The following FAM135A variants were observed in gnomAD, a reference collection of about 807,000 sequenced individuals.
FAM135A encodes family with sequence similarity 135 member A, also known as protein FAM135A.
Under a neutral mutation model 146.8 loss-of-function variants are expected in FAM135A, and 79 were observed. That is an observed-to-expected ratio of 0.54 (90% CI 0.45 to 0.65). The LOEUF is 0.65. Among genes scored for constraint, FAM135A ranks in the 30% least tolerant of loss-of-function variants. The probability of loss-of-function intolerance (pLI) is 0.00; values close to 1 mark genes in which losing one functional copy is unlikely to be tolerated. For missense variants in FAM135A, 1,623 were observed against 1,758.2 expected (o/e 0.92, Z 1.38); for synonymous variants, 562 against 603.6 (o/e 0.93, Z 1.01).
chr6:70,428,444 T>A, intron 4 of FAM135A, 25 bp downstream of exon 4: 1 of 1,524,690 alleles, frequency 6.6e-7, no homozygotes, highest in Non-Finnish European at 9.0e-7. Context: ...GTGAAAATGA[T>A]ATATTTTGCA....
rs769798886 is a variant in FAM135A at position 70,452,568 on chromosome 6, A to G, written c.154A>G (p.Thr52Ala). ...AGTAGAAGCTAGTTTGTTGCATGCA[A>G]CAGGTAAGCCAAAGAATACATTCAA... ...HRVEASLLHA[T>A]GMTLAFPASV... Residue 52 changes from threonine to alanine, a missense_variant, in exon 5 of 22, where the codon ACA (threonine) becomes GCA (alanine). Transcript: ENST00000418814. The G allele has an allele frequency of 6.3e-7, 1 of 1,576,006 alleles. No individual in the cohort carries two copies. Among genetic ancestry groups the G allele is most frequent in the Admixed American group, 2.0e-5 (1 of 50,362 alleles).
intron 10 of FAM135A, among the ~76,000 whole-genome samples, chr6:70,489,756 C>A (rs915170043): frequency 6.6e-6 from 1 of 152,090 alleles, no homozygotes; most frequent in African/African-American, 2.4e-5. Flanking sequence ...GTTGTACATG[C>A]TAGTACACAC....
At chr6:70,447,020 C>CA (rs1247517801) in intron 4 of FAM135A, among the ~76,000 whole-genome samples, 1 of 152,210 alleles carries the variant, frequency 6.6e-6, no homozygotes, top group South Asian at 2.1e-4. Context: ...CTTCACAATG[C>CA]AAAATATAAC....
intron 21 of FAM135A, among the ~76,000 whole-genome samples, chr6:70,559,398 A>G (rs1801533163): frequency 6.6e-6 from 1 of 151,572 alleles, no homozygotes; most frequent in Non-Finnish European, 1.5e-5. Context: ...CCAAGACCAC[A>G]CCATTGCACT....
At chr6:70,430,335 T>TAA (rs1390984684) in intron 4 of FAM135A, among the ~76,000 whole-genome samples, 1 of 142,900 alleles carries the variant, frequency 7.0e-6, no homozygotes, top group African/African-American at 2.6e-5. Context: ...AGACTCTATC[T>TAA]AAAAAAAAAA....
chr6:70,464,234 G>A (rs1779945971), intron 5 of FAM135A, among the ~76,000 whole-genome samples: 1 of 152,160 alleles, frequency 6.6e-6, no homozygotes, highest in Non-Finnish European at 1.5e-5. Flanking sequence ...GCATTTAGAA[G>A]CCTCTAATTA....
rs1249053105 is a variant in FAM135A, at chr6:70,526,006, A to G, written c.2922A>G (p.Leu974=). Residue 974 remains leucine (L), a synonymous_variant, in exon 15 of 22, where the codon TTA becomes TTG. Coordinates refer to ENST00000418814, the MANE Select transcript of FAM135A (RefSeq NM_001162529.3). Reference sequence around the variant, plus strand: ...CATTAAATTCAAAACTGATTTGTTTAGGCACTCCTTGTGTCATTTCAGGTT... The same window carrying G: ...CATTAAATTCAAAACTGATTTGTTTGGGCACTCCTTGTGTCATTTCAGGTT... The part of the protein sequence containing the change: ...AITLNSKLIC[L]GTPCVISGSI... The G allele has an allele frequency of 9.3e-6, 15 of 1,612,632 alleles. No individual in the cohort carries two copies. Among genetic ancestry groups the G allele is most frequent in the Non-Finnish European group, 1.3e-5 (15 of 1,179,486 alleles).
intron 4 of FAM135A, among the ~76,000 whole-genome samples, chr6:70,445,633 T>C (rs766651286): frequency 2.0e-5 from 3 of 152,188 alleles, no homozygotes; most frequent in Non-Finnish European, 4.4e-5. Flanking sequence ...AGCAGGAGCA[T>C]GTCCTTAAGG....
chr6:70,420,516 C>G (rs1161106093), intron 2 of FAM135A, among the ~76,000 whole-genome samples: 3 of 152,304 alleles, frequency 2.0e-5, no homozygotes, highest in African/African-American at 7.2e-5. Flanking sequence ...CTCAGCTGAT[C>G]TGATGGGAGC....
chr6:70,494,095 G>A (rs1161662473), intron 11 of FAM135A, among the ~76,000 whole-genome samples: 1 of 147,918 alleles, frequency 6.8e-6, no homozygotes, highest in Admixed American at 6.7e-5. Flanking sequence ...ACAAGTGTTT[G>A]ATGAAGTAGG....
At chr6:70,491,714 C>A (rs901908119) in intron 11 of FAM135A, among the ~76,000 whole-genome samples, 1 of 151,828 alleles carries the variant, frequency 6.6e-6, no homozygotes, top group East Asian at 1.9e-4. Flanking sequence ...ATTATACATA[C>A]GCAGGATACA....
chr6:70,443,715 C>T lies in FAM135A; in HGVS notation c.78-8777C>T, dbSNP rs73474991. Among the ~76,000 whole-genome samples, 1,123 of 152,122 alleles carry T rather than the reference C, an allele frequency of 7.4e-3. 20 individuals carry two copies. The highest frequency in any genetic ancestry group is 0.026 in the African/African-American group (1,080 of 41,500). Reference sequence around the variant, plus strand: ...CTTTTTGCATATTTAGAGTCATTTGCATTTCTTTTTCTGTAAACTGTTTAA... The same window carrying T: ...CTTTTTGCATATTTAGAGTCATTTGTATTTCTTTTTCTGTAAACTGTTTAA... On this transcript the variant is annotated intron_variant, in intron 4 of 21. Transcript: ENST00000418814.
chr6:70,528,490 A>G (rs765695168), intron 16 of FAM135A, 38 bp downstream of exon 16: 1 of 1,426,628 alleles, frequency 7.0e-7, no homozygotes, highest in Non-Finnish European at 9.2e-7. Flanking sequence ...GAGCAACTCA[A>G]TATATTTTTT....
chr6:70,533,826 A>T lies in FAM135A; in HGVS notation c.3937A>T (p.Ile1313Leu), dbSNP rs192024526. The T allele has an allele frequency of 4.5e-4, 708 of 1,557,338 alleles. No individual in the cohort carries two copies. Among genetic ancestry groups the T allele is most frequent in the Non-Finnish European group, 5.1e-4 (587 of 1,153,590 alleles). ...LLDEIIQYIQ[I>L]YSLTVSKISF... ...GGATGAGATAATACAGTATATTCAG[A>T]TATATAGTCTAACAGTCTCAAAAAT... Residue 1313 changes from isoleucine (I) to leucine (L), a missense_variant, in exon 18 of 22, where the codon ATA becomes TTA. By Grantham distance (5) the Ile-to-Leu change is conservative. Transcript: ENST00000418814.
At position 70,486,887 on chromosome 6, in the gene FAM135A, A is replaced by G. The variant is rs1784768795; in HGVS notation, c.824-4147A>G. Among the ~76,000 whole-genome samples, 3 of 152,252 alleles carry G rather than the reference A, an allele frequency of 2.0e-5. No individual in the cohort carries two copies. The South Asian group carries it at 6.2e-4, about 32-fold the overall frequency. The stretch of plus-strand genomic sequence containing the variant: ...GATTGCAGTGAGCCGAGATCGTGCC[A>G]TTGCACTCCAGCCTAGGCAACAAAA... On this transcript the variant is annotated intron_variant, in intron 10 of 21. Coordinates refer to ENST00000418814, the MANE Select transcript of FAM135A (RefSeq NM_001162529.3).
At chr6:70,423,330 T>C (rs889968378) in intron 2 of FAM135A, among the ~76,000 whole-genome samples, 1 of 152,136 alleles carries the variant, frequency 6.6e-6, no homozygotes, top group African/African-American at 2.4e-5. Context: ...AGCTGGTTTT[T>C]TGAAAATAGC....
At chr6:70,427,932 C>T (rs1034376379) in intron 3 of FAM135A, among the ~76,000 whole-genome samples, 11 of 152,120 alleles carry the variant, frequency 7.2e-5, no homozygotes, top group African/African-American at 2.4e-4. Flanking sequence ...GAGTTACTTA[C>T]ATGTGCAATG....
intron 4 of FAM135A, among the ~76,000 whole-genome samples, chr6:70,444,568 A>T (rs1254365417): frequency 6.6e-6 from 1 of 152,138 alleles, no homozygotes; most frequent in Non-Finnish European, 1.5e-5. Context: ...TGTCTCAATA[A>T]GAAAAAGAAT....
chr6:70,423,358 A>G lies in FAM135A; in HGVS notation c.-133-3081A>G, dbSNP rs752924675. 3.3e-5 allele frequency among the ~76,000 whole-genome samples: 5 copies of G among 152,324 alleles called. No individual in the cohort carries two copies. The South Asian group carries it at 6.2e-4, about 19-fold the overall frequency. Reference sequence around the variant, plus strand: ...AAAATAGCCTGAAGAGGGGGAATATATTAGTTAGGGTATAGAGTAGGTATA... The same window carrying G: ...AAAATAGCCTGAAGAGGGGGAATATGTTAGTTAGGGTATAGAGTAGGTATA... On this transcript the variant is annotated intron_variant, in intron 2 of 21. Transcript: ENST00000418814.
Sources: gnomAD v4.1 joint callset for allele counts (sites outside exome capture counted in the v4.1 genomes callset) on GRCh38, gnomAD v4.1.1 for gene constraint, MANE v1.5 for transcripts, NCBI Gene and HGNC (gene_info 2026-07-23, HGNC 2026-07-21) for gene names.